The following PRDM10 variants were observed in gnomAD, a reference collection of about 807,000 sequenced individuals.
The protein encoded by PRDM10 is PR/SET domain 10.
Under a neutral mutation model 133.1 loss-of-function variants are expected in PRDM10, and 65 were observed. The ratio of observed to expected loss-of-function variants is 0.49; its 90% CI spans 0.40 to 0.60. PRDM10 has a LOEUF of 0.60. Ranked by LOEUF, PRDM10 falls within the 20% of genes least tolerant of loss-of-function variation. The pLI is 0.00. For missense variants in PRDM10, 1,137 were observed against 1,507.1 expected (o/e 0.75, Z 4.07); for synonymous variants, 582 against 580.4 (o/e 1.00, Z -0.04).
intron 6 of PRDM10, among the ~76,000 whole-genome samples, chr11:129,944,179 G>A (rs375310546): frequency 2.0e-5 from 3 of 152,088 alleles, no homozygotes; most frequent in Non-Finnish European, 2.9e-5. Context: ...TCCAGCTTCC[G>A]GAACAGTGAG....
chr11:130,000,793 T>A (rs765114377), intron 1 of PRDM10, among the ~76,000 whole-genome samples: 4 of 152,198 alleles, frequency 2.6e-5, no homozygotes, highest in Non-Finnish European at 5.9e-5. Flanking sequence ...TGTGTCAACT[T>A]CACCTCAATT....
At chr11:129,910,967 G>C (rs1950172515) in intron 18 of PRDM10, among the ~76,000 whole-genome samples, 1 of 152,080 alleles carries the variant, frequency 6.6e-6, no homozygotes, top group Non-Finnish European at 1.5e-5. Context: ...GTAGAGAAGG[G>C]GTTTCTCCAG....
At chr11:129,972,245 T>C (rs1952047908) in intron 1 of PRDM10, among the ~76,000 whole-genome samples, 1 of 152,174 alleles carries the variant, frequency 6.6e-6, no homozygotes, top group South Asian at 2.1e-4. Flanking sequence ...GCTCTGGCCT[T>C]GGCCAGCCCA....
At chr11:129,968,641 C>T (rs1377660065) in intron 1 of PRDM10, among the ~76,000 whole-genome samples, 2 of 150,274 alleles carry the variant, frequency 1.3e-5, no homozygotes, top group African/African-American at 2.4e-5. Context: ...TTCCTAACAT[C>T]ACTAAGCCCT....
At chr11:129,967,074 T>C (rs1313416208) in intron 1 of PRDM10, among the ~76,000 whole-genome samples, 1 of 152,134 alleles carries the variant, frequency 6.6e-6, no homozygotes, top group Non-Finnish European at 1.5e-5. Flanking sequence ...AATAAGTATA[T>C]AATTAAAATA....
chr11:129,934,495 C>T (rs933870332), intron 9 of PRDM10, among the ~76,000 whole-genome samples: 1 of 152,084 alleles, frequency 6.6e-6, no homozygotes, highest in Admixed American at 6.5e-5. Flanking sequence ...CACTCTTACT[C>T]TAATATAAGC....
intron 1 of PRDM10, among the ~76,000 whole-genome samples, chr11:129,968,299 C>T (rs1281346568): frequency 6.6e-6 from 1 of 152,204 alleles, no homozygotes; most frequent in African/African-American, 2.4e-5. Flanking sequence ...TACAAATAAA[C>T]TTTTCCGGCT....
intron 17 of PRDM10, 101 bp from the exon 18 acceptor site, chr11:129,912,326 C>T (rs1057358183): frequency 2.8e-5 from 36 of 1,264,772 alleles, no homozygotes; most frequent in Non-Finnish European, 3.3e-5. Flanking sequence ...ATATCCTGGC[C>T]GGGTGCAGTG....
chr11:129,947,667 G>A lies in PRDM10; in HGVS notation c.295-297C>T. The A allele has an allele frequency of 2.4e-6, 2 of 833,204 alleles. No individual in the cohort carries two copies. The highest frequency in any genetic ancestry group is 1.9e-5 in the South Asian group (1 of 51,974). The allele number at this position is 833,204 out of a possible 1,614,324, so 51.6% of individuals were successfully genotyped here. ...TCCCTCCTTTGGCAGCAGTGGGAGA[G>A]TCAACACTGGCAAGGCCCTGACCAC... On this transcript the variant is annotated intron_variant, in intron 4 of 20. Transcript: ENST00000360871. The surrounding 1 kb of genome is among the most constrained non-coding windows in gnomAD (Gnocchi z 4.6).
intron 1 of PRDM10, among the ~76,000 whole-genome samples, chr11:129,993,547 C>T (rs1478909631): frequency 1.3e-5 from 2 of 151,932 alleles, no homozygotes; most frequent in African/African-American, 4.8e-5. Flanking sequence ...TGCAGTGGTG[C>T]GATCTCGGAT....
intron 1 of PRDM10, among the ~76,000 whole-genome samples, chr11:129,971,614 A>G (rs187790425): frequency 4.3e-4 from 65 of 151,494 alleles, no homozygotes; most frequent in African/African-American, 1.5e-3. Context: ...AAGGTTCTCC[A>G]AGGCCCCACC....
At chr11:130,002,309 G>A (rs1939460336) in intron 1 of PRDM10, among the ~76,000 whole-genome samples, 2 of 151,728 alleles carry the variant, frequency 1.3e-5, no homozygotes, top group Non-Finnish European at 2.9e-5. Flanking sequence ...CCGGCGGAGC[G>A]TGCGAGCCAC....
chr11:129,958,913 G>A (rs1161899743), intron 2 of PRDM10, among the ~76,000 whole-genome samples: 2 of 152,216 alleles, frequency 1.3e-5, no homozygotes, highest in Non-Finnish European at 2.9e-5. Flanking sequence ...AACACTTTCT[G>A]AGTGGTCAGC....
At chr11:129,999,162 T>TGAGTG (rs1939212831) in intron 1 of PRDM10, among the ~76,000 whole-genome samples, 1 of 152,108 alleles carries the variant, frequency 6.6e-6, no homozygotes, top group African/African-American at 2.4e-5. Context: ...AGAGGCCAGA[T>TGAGTG]ATTCCTAAGC....
intron 1 of PRDM10, among the ~76,000 whole-genome samples, chr11:129,994,661 C>CT (rs1253340423): frequency 3.3e-5 from 5 of 150,418 alleles, no homozygotes; most frequent in East Asian, 1.9e-4. Flanking sequence ...TTTTCTTTCT[C>CT]TTTTTTTTGA....
chr11:129,910,347 T>C (rs1950147450), intron 19 of PRDM10, 129 bp downstream of exon 19: 1 of 1,278,428 alleles, frequency 7.8e-7, no homozygotes, highest in African/African-American at 1.5e-5. Context: ...CCCATTGAAG[T>C]ACATTCATAG....
At chr11:129,910,336 AC>A in intron 19 of PRDM10, 139 bp downstream of exon 19, 1 of 1,221,888 alleles carries the variant, frequency 8.2e-7, no homozygotes, top group African/African-American at 1.5e-5. Flanking sequence ...TTGTCATGAA[AC>A]CCATTGAAGT....
chr11:129,929,412 G>A (rs368523848), intron 11 of PRDM10: 11 of 1,566,304 alleles, frequency 7.0e-6, no homozygotes, highest in Non-Finnish European at 8.7e-6. Flanking sequence ...AAACCTACCT[G>A]CAGCTCCAAC....
intron 1 of PRDM10, among the ~76,000 whole-genome samples, chr11:129,980,743 T>C (rs548176497): frequency 6.6e-6 from 1 of 152,106 alleles, no homozygotes; most frequent in South Asian, 2.1e-4. Flanking sequence ...AGACCACATA[T>C]TTTATTTTTA....
Sources: gnomAD v4.1 joint callset for allele counts (sites outside exome capture counted in the v4.1 genomes callset) on GRCh38, gnomAD v4.1.1 for gene constraint, Gnocchi (gnomAD v3.1) non-coding constraint, MANE v1.5 for transcripts, NCBI Gene and HGNC (gene_info 2026-07-23, HGNC 2026-07-21) for gene names.